The following MED27 variants were observed in gnomAD, a reference collection of about 807,000 sequenced individuals.
MED27 encodes the protein mediator complex subunit 27, also known as mediator of RNA polymerase II transcription subunit 27.
In MED27, 30 loss-of-function variants were observed where a neutral mutation model predicts 38.2. The ratio of observed to expected loss-of-function variants is 0.79; its 90% CI spans 0.59 to 1.07. The LOEUF is 1.07. MED27 is among the 50% of genes least tolerant of loss of function. The probability of loss-of-function intolerance (pLI) is 0.00; values close to 1 mark genes in which losing one functional copy is unlikely to be tolerated. For synonymous variants in MED27, 122 were observed against 153.5 expected, an observed-to-expected ratio of 0.79 and a Z score of 1.52; for missense variants, 289 against 397.5, an observed-to-expected ratio of 0.73 and a Z score of 2.32.
At chr9:132,075,426 A>G (rs1834024750) in intron 2 of MED27, among the ~76,000 whole-genome samples, 1 of 152,160 alleles carries the variant, frequency 6.6e-6, no homozygotes, top group Non-Finnish European at 1.5e-5. Context: ...ACCTCCTCAC[A>G]TTGCTCATAT....
chr9:131,969,189 C>T (rs1275072429), intron 3 of MED27, among the ~76,000 whole-genome samples: 3 of 137,372 alleles, frequency 2.2e-5, no homozygotes, highest in Non-Finnish European at 4.7e-5. Flanking sequence ...CCCCCCACAC[C>T]TTCTGTCCAT....
At chr9:132,070,770 C>T (rs532607416) in intron 2 of MED27, among the ~76,000 whole-genome samples, 2 of 152,252 alleles carry the variant, frequency 1.3e-5, no homozygotes, top group South Asian at 4.1e-4. Context: ...CCAGGATCCT[C>T]GCCCTGCCTT....
At chr9:131,904,658 C>G (rs1186339000) in intron 4 of MED27, among the ~76,000 whole-genome samples, 2 of 152,130 alleles carry the variant, frequency 1.3e-5, no homozygotes, top group African/African-American at 4.8e-5. Flanking sequence ...TGCACCTGGC[C>G]AACAAGGTTT....
chr9:131,989,360 C>T (rs1159525405), intron 3 of MED27, among the ~76,000 whole-genome samples: 1 of 152,180 alleles, frequency 6.6e-6, no homozygotes, highest in Non-Finnish European at 1.5e-5. Flanking sequence ...CAGCAGGAGC[C>T]TAGGATTTCT....
Position 131,898,569 on chromosome 9 carries a change from T to C in MED27, c.574-4577A>G, listed in dbSNP as rs115427004. 8.2e-3 allele frequency among the ~76,000 whole-genome samples: 1,248 copies of C among 151,706 alleles called. 17 individuals carry two copies. The highest frequency in any genetic ancestry group is 0.029 in the African/African-American group (1,182 of 41,358). On this transcript the variant is annotated intron_variant, in intron 4 of 7. Coordinates refer to ENST00000292035, the MANE Select transcript of MED27 (RefSeq NM_004269.4). ...GATCCTGGTGCTCATCTAAGTTGAATAGGCATAGAATTATGGCTTTATGCA... is the reference window on the plus strand; with the variant it reads ...GATCCTGGTGCTCATCTAAGTTGAACAGGCATAGAATTATGGCTTTATGCA...
chr9:131,905,331 A>G (rs1024310766), intron 4 of MED27, among the ~76,000 whole-genome samples: 30 of 152,260 alleles, frequency 2.0e-4, no homozygotes, highest in African/African-American at 6.0e-4. Flanking sequence ...AATCCTCGAC[A>G]GCACACGTCC....
chr9:132,024,966 C>T (rs1182802446), intron 2 of MED27, among the ~76,000 whole-genome samples: 1 of 152,172 alleles, frequency 6.6e-6, no homozygotes, highest in Non-Finnish European at 1.5e-5. Flanking sequence ...TCCCACAGCA[C>T]TCTATTTCTG....
intron 5 of MED27, among the ~76,000 whole-genome samples, chr9:131,886,554 C>G (rs191514770): frequency 6.6e-6 from 1 of 152,192 alleles, no homozygotes; most frequent in Non-Finnish European, 1.5e-5. Flanking sequence ...GTCAGTGCCC[C>G]CCACTGAAAC....
At chr9:132,025,107 A>G (rs1832790674) in intron 2 of MED27, among the ~76,000 whole-genome samples, 1 of 149,770 alleles carries the variant, frequency 6.7e-6, no homozygotes, top group African/African-American at 2.5e-5. Context: ...CTTGGAAGGA[A>G]AAAAAAAAAG....
intron 3 of MED27, among the ~76,000 whole-genome samples, chr9:132,006,035 C>T (rs1832352393): frequency 6.6e-6 from 1 of 152,176 alleles, no homozygotes; most frequent in South Asian, 2.1e-4. Context: ...TTCTTTATTA[C>T]ATAGCCTCTC....
At chr9:131,953,913 G>C (rs982119188) in intron 3 of MED27, among the ~76,000 whole-genome samples, 1 of 151,288 alleles carries the variant, frequency 6.6e-6, no homozygotes, top group Admixed American at 6.6e-5. Context: ...TGCCTCCCGG[G>C]TTCAAGTGAT....
intron 3 of MED27, among the ~76,000 whole-genome samples, chr9:131,947,575 T>C (rs1227245733): frequency 6.6e-6 from 1 of 152,246 alleles, no homozygotes; most frequent in East Asian, 1.9e-4. Flanking sequence ...ATTAATTTTT[T>C]ACTCCACACA....
At chr9:131,928,833 C>A (rs1352797684) in intron 4 of MED27, among the ~76,000 whole-genome samples, 1 of 152,236 alleles carries the variant, frequency 6.6e-6, no homozygotes, top group Admixed American at 6.5e-5. Context: ...TAGTGCTGGG[C>A]TGGGCTTATA....
At chr9:131,985,917 T>C (rs572831743) in intron 3 of MED27, among the ~76,000 whole-genome samples, 2 of 151,888 alleles carry the variant, frequency 1.3e-5, no homozygotes, top group African/African-American at 4.8e-5. Context: ...CCTAGGCTAA[T>C]GTGTGCATTT....
At chr9:131,972,990 C>T (rs1212398378) in intron 3 of MED27, among the ~76,000 whole-genome samples, 1 of 152,160 alleles carries the variant, frequency 6.6e-6, no homozygotes, top group African/African-American at 2.4e-5. Context: ...AAAGTAATTA[C>T]TATCACAGAA....
intron 4 of MED27, among the ~76,000 whole-genome samples, chr9:131,923,245 G>A (rs1262700034): frequency 6.6e-6 from 1 of 152,162 alleles, no homozygotes; most frequent in Non-Finnish European, 1.5e-5. Context: ...AACACACTGA[G>A]GGTTGACTTT....
chr9:131,958,850 G>A (rs1359313108), intron 3 of MED27, among the ~76,000 whole-genome samples: 3 of 152,176 alleles, frequency 2.0e-5, no homozygotes, highest in Admixed American at 6.5e-5. Flanking sequence ...GGACGTGAAC[G>A]TGTTCAGAGA....
intron 2 of MED27, among the ~76,000 whole-genome samples, chr9:132,067,977 C>A (rs898956437): frequency 1.3e-5 from 2 of 152,032 alleles, no homozygotes; most frequent in South Asian, 2.1e-4. Flanking sequence ...CCAAAATGTT[C>A]GTAATAGTTG....
At chr9:132,025,742 T>C (rs764450634) in intron 2 of MED27, among the ~76,000 whole-genome samples, 9 of 152,204 alleles carry the variant, frequency 5.9e-5, no homozygotes, top group Non-Finnish European at 1.2e-4. Context: ...AAAATCATAC[T>C]CTGGTTATTG....
Sources: gnomAD v4.1 joint callset for allele counts (sites outside exome capture counted in the v4.1 genomes callset) on GRCh38, gnomAD v4.1.1 for gene constraint, MANE v1.5 for transcripts, NCBI Gene and HGNC (gene_info 2026-07-23, HGNC 2026-07-21) for gene names.